Variants in ACTL10 observed in about 807,000 individuals in gnomAD.
ACTL10 encodes actin-like protein 10.
For missense variants in ACTL10, 413 were observed against 359.4 expected, an observed-to-expected ratio of 1.15 and a Z score of -1.21; for synonymous variants, 180 against 169.9, an observed-to-expected ratio of 1.06 and a Z score of -0.46.
chr20:33,667,145 T>G lies in ACTL10; in HGVS notation c.-353T>G. On this transcript the variant is annotated 5_prime_UTR_variant, in exon 1 of 1. Coordinates refer to ENST00000677665, the MANE Select transcript of ACTL10 (RefSeq NM_001024675.2). ...CCGTCCTCCCTGGGCCGCATCGCGG[T>G]GGTGGTGGACCAGGGCTCGGGCTTC... 1 of 209,850 alleles carries G rather than the reference T, an allele frequency of 4.8e-6. No homozygotes were observed. The highest frequency in any genetic ancestry group is 9.5e-6 in the Non-Finnish European group (1 of 105,320). The allele number at this position is 209,850 out of a possible 1,614,324, so 13.0% of individuals were successfully genotyped here. A position where few individuals can be genotyped will look rare whatever the true frequency, so the allele number is the denominator to read the frequency against.
Position 33,667,913 on chromosome 20 carries a change from G to T in ACTL10, c.416G>T (p.Gly139Val), listed in dbSNP as rs1007636881. The change falls in exon 1 of 1, where the codon GGG (glycine) becomes GTG (valine). Residue 139 changes from glycine to valine, a missense_variant. Physicochemically the swap from Gly to Val is moderately radical, Grantham distance 109. Transcript: ENST00000677665. ...QPGLLGQAEQ[G>V]LPALAFRALQ... ...GGCCTGCTGGGCCAGGCTGAGCAGG[G>T]GCTGCCCGCGCTGGCCTTCCGGGCG... 6.4e-7 allele frequency: 1 copy of T among 1,570,654 alleles called. No individual in the cohort carries two copies. The highest frequency in any genetic ancestry group is 1.4e-5 in the African/African-American group (1 of 73,734).
Position 33,667,456 on chromosome 20 carries a change from G to A in ACTL10, c.-42G>A. 7.0e-7 allele frequency: 1 copy of A among 1,426,390 alleles called. No homozygotes were observed. Among genetic ancestry groups the A allele is most frequent in the East Asian group, 2.7e-5 (1 of 37,372 alleles). 88.4% of individuals were successfully genotyped at this position (1,426,390 alleles called of 1,614,324 possible). A position where few individuals can be genotyped will look rare whatever the true frequency, so the allele number is the denominator to read the frequency against. ...GCCGCCCGCGGGCCGCGAAAGGGTGGCGGAGCTGCTGTTCGAGACCCTGGC... is the reference window on the plus strand; with the variant it reads ...GCCGCCCGCGGGCCGCGAAAGGGTGACGGAGCTGCTGTTCGAGACCCTGGC... On this transcript the variant is annotated 5_prime_UTR_variant, in exon 1 of 1. Transcript: ENST00000677665.
Position 33,667,549 on chromosome 20 carries a change from C to T in ACTL10, c.52C>T (p.Leu18=). 6.4e-7 allele frequency: 1 copy of T among 1,550,448 alleles called. No homozygotes were observed. Among genetic ancestry groups the T allele is most frequent in the Non-Finnish European group, 8.7e-7 (1 of 1,149,312 alleles). Reference sequence around the variant, plus strand: ...CTGCTCCACCGGCGCGTTCAGCGGGCTGGCCGTGGAGGCGGGCGCGGGCGT... The same window carrying T: ...CTGCTCCACCGGCGCGTTCAGCGGGTTGGCCGTGGAGGCGGGCGCGGGCGT... The part of the protein sequence containing the change: ...ALCSTGAFSG[L]AVEAGAGVCH... Residue 18 remains leucine (L), a synonymous_variant, in exon 1 of 1, where the codon CTG becomes TTG. Coordinates refer to ENST00000677665, the MANE Select transcript of ACTL10 (RefSeq NM_001024675.2).
Position 33,668,245 on chromosome 20 carries a change from G to C in ACTL10, c.*10G>C. 1 of 1,568,534 alleles carries C rather than the reference G, an allele frequency of 6.4e-7. No individual in the cohort carries two copies. The highest frequency in any genetic ancestry group is 8.7e-7 in the Non-Finnish European group (1 of 1,154,550). The stretch of plus-strand genomic sequence containing the variant: ...CGATGTGTTCAACTGAGTCAGGCTG[G>C]ACTGGGGGGGGTGGCACTGCGTTGG... On this transcript the variant is annotated 3_prime_UTR_variant, in exon 1 of 1. Coordinates refer to ENST00000677665, the MANE Select transcript of ACTL10 (RefSeq NM_001024675.2).
In ACTL10 at chr20:33,668,247, C is replaced by CT; in HGVS notation, c.*13dup. On this transcript the variant is annotated 3_prime_UTR_variant, in exon 1 of 1. Transcript: ENST00000677665. ...ATGTGTTCAACTGAGTCAGGCTGGA[C>CT]TGGGGGGGGTGGCACTGCGTTGGGG... 1 of 1,565,644 alleles carries CT rather than the reference C, an allele frequency of 6.4e-7. No homozygotes were observed. The highest frequency in any genetic ancestry group is 8.7e-7 in the Non-Finnish European group (1 of 1,153,014).
rs760969684 is a variant in ACTL10 at position 33,668,251 on chromosome 20, G to C, written c.*16G>C. ...GTTCAACTGAGTCAGGCTGGACTGGGGGGGGTGGCACTGCGTTGGGGGACA... is the reference window on the plus strand; with the variant it reads ...GTTCAACTGAGTCAGGCTGGACTGGCGGGGGTGGCACTGCGTTGGGGGACA... On this transcript the variant is annotated 3_prime_UTR_variant, in exon 1 of 1. Coordinates refer to ENST00000677665, the MANE Select transcript of ACTL10 (RefSeq NM_001024675.2). The C allele has an allele frequency of 6.4e-6, 10 of 1,562,240 alleles. No homozygotes were observed. In the African/African-American group the frequency reaches 6.8e-5, roughly 11 times the overall value.
rs1451423737 is a variant in ACTL10, at chr20:33,668,089, C to CA, written c.593dup (p.His198GlnfsTer?). ...GCACGGCTACGCGGCCCTGCGGCCCCACCTGGTGGCCAAGCATGGGCGTGG... is the reference window on the plus strand; with the variant it reads ...GCACGGCTACGCGGCCCTGCGGCCCCAACCTGGTGGCCAAGCATGGGCGTGG... On this transcript the variant is annotated frameshift_variant, in exon 1 of 1. Coordinates refer to ENST00000677665, the MANE Select transcript of ACTL10 (RefSeq NM_001024675.2). LOFTEE classifies it low-confidence loss of function (END_TRUNC). The CA allele has an allele frequency of 6.3e-7, 1 of 1,598,270 alleles. No individual in the cohort carries two copies. The highest frequency in any genetic ancestry group is 8.5e-7 in the Non-Finnish European group (1 of 1,172,994).
Position 33,667,319 on chromosome 20 carries a change from G to T in ACTL10, c.-179G>T. 6.3e-6 allele frequency: 5 copies of T among 794,090 alleles called. No individual in the cohort carries two copies. The highest frequency in any genetic ancestry group is 8.7e-6 in the Non-Finnish European group (5 of 572,328). 49.2% of individuals were successfully genotyped at this position (794,090 alleles called of 1,614,324 possible). On this transcript the variant is annotated 5_prime_UTR_variant, in exon 1 of 1. Transcript: ENST00000677665. ...GCGCGGGCGCACCCCATCAAGCACG[G>T]CGTGGTGGCGGACTGGGAGGCGCTG...
At position 33,668,093 on chromosome 20, in the gene ACTL10, T is replaced by A. The variant is rs771765998; in HGVS notation, c.596T>A (p.Leu199Gln). 5 of 1,601,406 alleles carry A rather than the reference T, an allele frequency of 3.1e-6. No homozygotes were observed. In the South Asian group the frequency reaches 5.6e-5, roughly 18 times the overall value. ...GGCTACGCGGCCCTGCGGCCCCACC[T>A]GGTGGCCAAGCATGGGCGTGGCATG... ...RHGYAALRPH[L>Q]VAKHGRGMAV... Residue 199 changes from leucine to glutamine, a missense_variant, in exon 1 of 1, where the codon CTG (leucine) becomes CAG (glutamine). Coordinates refer to ENST00000677665, the MANE Select transcript of ACTL10 (RefSeq NM_001024675.2).
In ACTL10 at chr20:33,667,518, G is replaced by A. The variant is rs759797913; in HGVS notation, c.21G>A (p.Leu7=). ...GCCACATGGCTAGCACCGCGTTGCT[G>A]GCGCTCTGCTCCACCGGCGCGTTCA... MASTAL[L]ALCSTGAFSG... Residue 7 remains leucine, a synonymous_variant, in exon 1 of 1, where the codon CTG becomes CTA. Coordinates refer to ENST00000677665, the MANE Select transcript of ACTL10 (RefSeq NM_001024675.2). 1.3e-6 allele frequency: 2 copies of A among 1,527,826 alleles called. No individual in the cohort carries two copies. The highest frequency in any genetic ancestry group is 1.8e-6 in the Non-Finnish European group (2 of 1,138,090). 94.6% of individuals were successfully genotyped at this position (1,527,826 alleles called of 1,614,324 possible).
chr20:33,668,031 C>T lies in ACTL10; in HGVS notation c.534C>T (p.Arg178=). Residue 178 remains arginine, a synonymous_variant, in exon 1 of 1, where the codon CGC becomes CGT. Transcript: ENST00000677665. ...CACTGTTTCCTGGCTTCGCCGAGCG[C>T]CTGGACAAGGAGCTGGAGGCGCAGT... ...GSTLFPGFAE[R]LDKELEAQCR... 6.5e-7 allele frequency: 1 copy of T among 1,546,746 alleles called. No individual in the cohort carries two copies. Among genetic ancestry groups the T allele is most frequent in the Non-Finnish European group, 8.7e-7 (1 of 1,144,824 alleles).
chr20:33,668,287 TAA>T lies in ACTL10; in HGVS notation c.*54_*55del. The T allele has an allele frequency of 6.5e-7, 1 of 1,533,756 alleles. No homozygotes were observed. Among genetic ancestry groups the T allele is most frequent in the Non-Finnish European group, 8.8e-7 (1 of 1,138,390 alleles). ...CTGCGTTGGGGGACAGCTCTCTATC[TAA>T]AGAGTCAAGTGTTTGGAGCTGGCAG... On this transcript the variant is annotated 3_prime_UTR_variant, in exon 1 of 1. Transcript: ENST00000677665.
rs756733302 is a variant in ACTL10, at chr20:33,667,805, C to T, written c.308C>T (p.Pro103Leu). The part of the protein sequence containing the change: ...GDLRDPARHH[P>L]ASFSVGNGCC... ...CTCCGCGACCCCGCCCGCCACCATC[C>T]GGCCAGTTTCAGCGTGGGTAACGGG... The change falls in exon 1 of 1, where the codon CCG becomes CTG. Residue 103 changes from proline to leucine, a missense_variant. By Grantham distance (98) the Pro-to-Leu change is moderately conservative (BLOSUM62 -3). Transcript: ENST00000677665. 2 of 1,612,632 alleles carry T rather than the reference C, an allele frequency of 1.2e-6. No individual in the cohort carries two copies. Among genetic ancestry groups the T allele is most frequent in the African/African-American group, 1.3e-5 (1 of 75,048 alleles).
In ACTL10 at chr20:33,668,140, A is replaced by T. The variant is rs1016326898; in HGVS notation, c.643A>T (p.Met215Leu). 3 of 1,611,614 alleles carry T rather than the reference A, an allele frequency of 1.9e-6. No homozygotes were observed. Among genetic ancestry groups the T allele is most frequent in the Non-Finnish European group, 2.5e-6 (3 of 1,179,476 alleles). The change falls in exon 1 of 1, where the codon ATG becomes TTG. Residue 215 changes from methionine (M) to leucine (L), a missense_variant. Transcript: ENST00000677665. ...RGMAVWTGGS[M>L]VASLHSFQRR... is the part of the protein sequence containing the mutation. ...CATGGCTGTGTGGACCGGCGGCTCC[A>T]TGGTGGCCTCCCTGCACTCCTTCCA...
At position 33,667,288 on chromosome 20, in the gene ACTL10, G is replaced by A; in HGVS notation, c.-210G>A. 3.7e-6 allele frequency: 2 copies of A among 540,270 alleles called. No individual in the cohort carries two copies. Among genetic ancestry groups the A allele is most frequent in the East Asian group, 3.7e-5 (1 of 27,352 alleles). 33.5% of individuals were successfully genotyped at this position (540,270 alleles called of 1,614,324 possible). On this transcript the variant is annotated 5_prime_UTR_variant, in exon 1 of 1. Transcript: ENST00000677665. ...AGCGCCGGGCTGCGAGCTGGCGGGC[G>A]GCGTGGCGCGGGCGCACCCCATCAA... is the stretch of plus-strand genomic sequence containing the variant.
Position 33,667,176 on chromosome 20 carries a change from GGCGGGCTTCGCGGGCGA to G in ACTL10, c.-320_-304del. 1 of 259,470 alleles carries G rather than the reference GGCGGGCTTCGCGGGCGA, an allele frequency of 3.9e-6. No individual in the cohort carries two copies. Among genetic ancestry groups the G allele is most frequent in the Middle Eastern group, 1.1e-3 (1 of 908 alleles). 16.1% of individuals were successfully genotyped at this position (259,470 alleles called of 1,614,324 possible). Reference sequence around the variant, plus strand: ...TGGACCAGGGCTCGGGCTTCACCAAGGCGGGCTTCGCGGGCGAGAACCAGCCGCGCATAGTGCTGAAG... The same window carrying G: ...TGGACCAGGGCTCGGGCTTCACCAAGGAACCAGCCGCGCATAGTGCTGAAG... On this transcript the variant is annotated 5_prime_UTR_variant, in exon 1 of 1. Transcript: ENST00000677665.
chr20:33,667,657 C>T lies in ACTL10; in HGVS notation c.160C>T (p.Arg54Cys), dbSNP rs2017710018. 4 of 1,610,200 alleles carry T rather than the reference C, an allele frequency of 2.5e-6. No homozygotes were observed. Among genetic ancestry groups the T allele is most frequent in the African/African-American group, 1.3e-5 (1 of 74,860 alleles). ...GAACGTGGCAGGCAGCACCCTGTCG[C>T]GCTACCTGCGGGATCTGCTGGTGGC... ...RLNVAGSTLS[R>C]YLRDLLVAAN... The change falls in exon 1 of 1, where the codon CGC (arginine) becomes TGC (cysteine). Residue 54 changes from arginine (R) to cysteine (C), a missense_variant. Arg to Cys is a radical substitution (Grantham distance 180, BLOSUM62 -3). Transcript: ENST00000677665.
In ACTL10 at chr20:33,667,888, G is replaced by A. The variant is rs1348684303; in HGVS notation, c.391G>A (p.Gly131Ser). ...FRCPEPIFQP[G>S]LLGQAEQGLP... ...CTGCCCCGAACCCATCTTCCAGCCG[G>A]GCCTGCTGGGCCAGGCTGAGCAGGG... The change falls in exon 1 of 1, where the codon GGC (glycine) becomes AGC (serine). Residue 131 changes from glycine (G) to serine (S), a missense_variant. Coordinates refer to ENST00000677665, the MANE Select transcript of ACTL10 (RefSeq NM_001024675.2). 2 of 1,587,896 alleles carry A rather than the reference G, an allele frequency of 1.3e-6. No homozygotes were observed. The highest frequency in any genetic ancestry group is 1.3e-5 in the African/African-American group (1 of 74,270).
Position 33,667,824 on chromosome 20 carries a change from T to C in ACTL10, c.327T>C (p.Gly109=). 1 of 1,611,844 alleles carries C rather than the reference T, an allele frequency of 6.2e-7. No individual in the cohort carries two copies. Among genetic ancestry groups the C allele is most frequent in the Non-Finnish European group, 8.5e-7 (1 of 1,179,574 alleles). The change falls in exon 1 of 1, where the codon GGT becomes GGC. Residue 109 remains glycine (G), a synonymous_variant. Transcript: ENST00000677665. ...ACCATCCGGCCAGTTTCAGCGTGGG[T>C]AACGGGTGCTGCGTCTGCCTCAGCA... ...ARHHPASFSV[G]NGCCVCLSSE...
Sources: gnomAD v4.1 joint callset for allele counts on GRCh38, gnomAD v4.1.1 for gene constraint, MANE v1.5 for transcripts, NCBI Gene and HGNC (gene_info 2026-07-23, HGNC 2026-07-21) for gene names.